The following CUL4A variants were observed in gnomAD, a reference collection of about 807,000 sequenced individuals.
CUL4A encodes cullin-4A.
Under a neutral mutation model 95.5 loss-of-function variants are expected in CUL4A, and 16 were observed. The ratio of observed to expected loss-of-function variants is 0.17; its 90% confidence interval spans 0.11 to 0.25. The LOEUF (loss-of-function observed/expected upper bound fraction) is 0.25. CUL4A is among the 10% of genes least tolerant of loss of function. The pLI, the probability that CUL4A is intolerant of heterozygous loss-of-function variation, is 1.00. For missense variants in CUL4A, 610 were observed against 937.0 expected, an observed-to-expected ratio of 0.65 and a Z score of 4.56; for synonymous variants, 380 against 353.1, an observed-to-expected ratio of 1.08 and a Z score of -0.85.
chr13:113,233,297 G>C lies in CUL4A; in HGVS notation c.633G>C (p.Arg211=), dbSNP rs1339551728. The change falls in exon 6 of 20, where the codon CGG becomes CGC. Residue 211 remains arginine, a synonymous_variant. Transcript: ENST00000375440. ...ERERSGEAVD[R]SLLRSLLGML... The stretch of plus-strand genomic sequence containing the variant: ...AGAGGAGCGGCGAGGCCGTGGACCG[G>C]AGCCTGTTGCGGAGCCTCCTGGGCA... 2 of 1,613,480 alleles carry C rather than the reference G, an allele frequency of 1.2e-6. No homozygotes were observed. The highest frequency in any genetic ancestry group is 1.3e-5 in the African/African-American group (1 of 74,938).
At chr13:113,250,039 G>T (rs1023483375) in intron 15 of CUL4A, among the ~76,000 whole-genome samples, 6 of 152,092 alleles carry the variant, frequency 3.9e-5, no homozygotes, top group Admixed American at 3.9e-4. Flanking sequence ...CATTCTGTGG[G>T]CTATCTTTTT....
At chr13:113,224,159 T>C (rs1433305885) in intron 3 of CUL4A, among the ~76,000 whole-genome samples, 2 of 152,208 alleles carry the variant, frequency 1.3e-5, no homozygotes, top group East Asian at 1.9e-4. Context: ...GAGACCATCC[T>C]GGCTAACACG....
chr13:113,209,910 G>A (rs1179053972), intron 1 of CUL4A, 63 bp from the exon 2 acceptor site: 2 of 1,350,216 alleles, frequency 1.5e-6, no homozygotes, highest in African/African-American at 3.1e-5. Flanking sequence ...GCCGGGTCGG[G>A]GGTGGCTACG....
chr13:113,252,280 A>G (rs558653325), intron 15 of CUL4A, among the ~76,000 whole-genome samples: 1 of 152,308 alleles, frequency 6.6e-6, no homozygotes, highest in South Asian at 2.1e-4. Context: ...GGCACAGTCT[A>G]ATTCCAGCGT....
intron 2 of CUL4A, 126 bp from the exon 3 acceptor site, chr13:113,218,819 C>G: frequency 1.7e-6 from 1 of 599,306 alleles, no homozygotes; most frequent in East Asian, 2.9e-5. Flanking sequence ...TTGTAGATTC[C>G]TGAAGTACTG....
intron 2 of CUL4A, among the ~76,000 whole-genome samples, chr13:113,211,594 A>G (rs1353844055): frequency 1.3e-5 from 2 of 152,336 alleles, no homozygotes; most frequent in African/African-American, 2.4e-5. Context: ...CATGTTGGGC[A>G]GGCTGGTCTC....
chr13:113,231,955 C>T (rs2041326611), intron 5 of CUL4A, among the ~76,000 whole-genome samples: 1 of 150,958 alleles, frequency 6.6e-6, no homozygotes, highest in African/African-American at 2.5e-5. Context: ...CCACCACTGC[C>T]ACCATAATAT....
In CUL4A at chr13:113,266,794, A is replaced by G. The variant is rs2042402738; in HGVS notation, c.*3212A>G. On this transcript the variant is annotated 3_prime_UTR_variant, in exon 20 of 20. Coordinates refer to ENST00000375440, the MANE Select transcript of CUL4A (RefSeq NM_001008895.4). ...TTAGACTCCTTTTTATACTAAGGGA[A>G]GTTCCAAGTGGTCAAGTATTTACGT... The G allele has an allele frequency of 6.6e-6, 1 of 152,242 alleles. No homozygotes were observed. The highest frequency in any genetic ancestry group is 1.5e-5 in the Non-Finnish European group (1 of 68,050). The allele number at this position is 152,242 out of a possible 1,614,324, so 9.4% of individuals were successfully genotyped here.
At position 113,260,701 on chromosome 13, in the gene CUL4A, C is replaced by G. The variant is rs768003702; in HGVS notation, c.2126C>G (p.Thr709Ser). 1.9e-6 allele frequency: 3 copies of G among 1,608,642 alleles called. No individual in the cohort carries two copies. The South Asian group carries it at 3.3e-5, about 18-fold the overall frequency. The change falls in exon 19 of 20, where the codon ACT becomes AGT. Residue 709 changes from threonine (T) to serine (S), a missense_variant. Transcript: ENST00000375440. ...GTCAGAATAATGAAGATGAGAAAGA[C>G]TCTTGGTCATAATCTTCTAGTTTCT... is the stretch of plus-strand genomic sequence containing the variant. Reference protein sequence around the residue: ...AIVRIMKMRKTLGHNLLVSEL... With the variant: ...AIVRIMKMRKSLGHNLLVSEL...
chr13:113,248,885 T>A (rs1364417056), intron 15 of CUL4A, among the ~76,000 whole-genome samples: 1 of 152,216 alleles, frequency 6.6e-6, no homozygotes, highest in Admixed American at 6.5e-5. Context: ...GCATGTTCAG[T>A]ACAGACAACC....
chr13:113,243,836 T>A (rs2041788430), intron 11 of CUL4A, among the ~76,000 whole-genome samples: 2 of 152,184 alleles, frequency 1.3e-5, no homozygotes, highest in Non-Finnish European at 2.9e-5. Flanking sequence ...CATTTGTGGT[T>A]TCTCTAAAGC....
chr13:113,218,883 G>T (rs2139109722), intron 2 of CUL4A, 62 bp from the exon 3 acceptor site: 1 of 1,188,578 alleles, frequency 8.4e-7, no homozygotes, highest in Non-Finnish European at 1.2e-6. Flanking sequence ...TAACAATAGG[G>T]TTTTTTTATG....
intron 1 of CUL4A, 33 bp from the exon 2 acceptor site, chr13:113,209,940 C>G: frequency 1.4e-6 from 2 of 1,466,326 alleles, no homozygotes; most frequent in Non-Finnish European, 1.8e-6. Flanking sequence ...TCGCGGCGCG[C>G]CCTGAGCCGC....
At chr13:113,248,209 G>A (rs916573682) in intron 15 of CUL4A, among the ~76,000 whole-genome samples, 2 of 152,080 alleles carry the variant, frequency 1.3e-5, no homozygotes, top group Admixed American at 6.5e-5. Flanking sequence ...CCTGTGTGGC[G>A]ATTCCTGGCT....
intron 2 of CUL4A, among the ~76,000 whole-genome samples, chr13:113,211,304 T>C (rs2040432841): frequency 6.6e-6 from 1 of 152,284 alleles, no homozygotes; most frequent in African/African-American, 2.4e-5. Context: ...TGTAATTTAT[T>C]ACCTAGTAGA....
Position 113,263,522 on chromosome 13 carries a change from A to G in CUL4A, c.2220A>G (p.Ile740Met). The change falls in exon 20 of 20, where the codon ATA becomes ATG. Residue 740 changes from isoleucine (I) to methionine (M), a missense_variant. Transcript: ENST00000375440. ...GDLKKRIESL[I>M]DRDYMERDKD... ...TGAAAAAGAGAATTGAATCTCTGAT[A>G]GACAGAGACTATATGGAGAGAGACA... 2 of 1,608,030 alleles carry G rather than the reference A, an allele frequency of 1.2e-6. No homozygotes were observed. Among genetic ancestry groups the G allele is most frequent in the Non-Finnish European group, 1.7e-6 (2 of 1,177,364 alleles).
intron 9 of CUL4A, 68 bp from the exon 10 acceptor site, chr13:113,239,365 G>T (rs1243768715): frequency 9.8e-6 from 13 of 1,321,142 alleles, no homozygotes. Flanking sequence ...GGTGCACGCT[G>T]TATTCTAGTT....
intron 3 of CUL4A, among the ~76,000 whole-genome samples, chr13:113,227,526 A>G (rs2041149824): frequency 6.6e-6 from 1 of 152,252 alleles, no homozygotes; most frequent in South Asian, 2.1e-4. Context: ...GGACATGAAC[A>G]TTCAAGACTA....
At chr13:113,221,648 G>A (rs1595361981) in intron 3 of CUL4A, among the ~76,000 whole-genome samples, 3 of 152,054 alleles carry the variant, frequency 2.0e-5, no homozygotes, top group Admixed American at 6.5e-5. Context: ...GCACGATCTC[G>A]GCTCACTGCA....
Sources: allele counts gnomAD v4.1 joint callset (sites outside exome capture counted in the v4.1 genomes callset), GRCh38; gene constraint gnomAD v4.1.1; transcripts MANE v1.5; gene names NCBI Gene and HGNC (gene_info 2026-07-23, HGNC 2026-07-21).